CDC123: variants seen among roughly 807,000 people sequenced by gnomAD.
The protein encoded by CDC123 is translation initiation factor eIF2 assembly protein.
CDC123 carries 37 observed loss-of-function variants against 54.4 expected under a neutral mutation model. The ratio of observed to expected loss-of-function variants is 0.68; its 90% CI spans 0.52 to 0.89. The LOEUF is 0.89. Ranked by LOEUF, CDC123 falls within the 40% of genes least tolerant of loss-of-function variation. The pLI is 0.00. For missense variants in CDC123, 361 were observed against 412.1 expected (o/e 0.88, Z 1.07); for synonymous variants, 144 against 136.8 (o/e 1.05, Z -0.37).
chr10:12,248,673 GTGCA>G (rs1266377904), intron 11 of CDC123, among the ~76,000 whole-genome samples: 1 of 152,002 alleles, frequency 6.6e-6, no homozygotes, highest in Non-Finnish European at 1.5e-5. Flanking sequence ...AGGCATGGTG[GTGCA>G]TGCCTGTAAT....
intron 10 of CDC123, chr10:12,245,944 C>G: frequency 2.1e-6 from 1 of 476,874 alleles, no homozygotes; most frequent in Non-Finnish European, 3.7e-6. Flanking sequence ...GTGGTGCATG[C>G]CTGTAGTCCC....
chr10:12,215,090 C>T (rs1387189663), intron 4 of CDC123, among the ~76,000 whole-genome samples: 5 of 152,010 alleles, frequency 3.3e-5, no homozygotes, highest in Non-Finnish European at 5.9e-5. Context: ...TATTCACTTC[C>T]GGGTCGAAAC....
intron 10 of CDC123, among the ~76,000 whole-genome samples, chr10:12,243,302 G>A (rs1836084974): frequency 6.6e-6 from 1 of 151,804 alleles, no homozygotes; most frequent in Non-Finnish European, 1.5e-5. Context: ...GGAGGTGGAG[G>A]CAGGAGAATT....
intron 2 of CDC123, among the ~76,000 whole-genome samples, chr10:12,202,885 C>T (rs1377198875): frequency 6.6e-6 from 1 of 152,170 alleles, no homozygotes; most frequent in Non-Finnish European, 1.5e-5. Context: ...CGTGGTGGCG[C>T]ACTCCTGTAA....
At chr10:12,203,984 T>C (rs555140875) in intron 2 of CDC123, among the ~76,000 whole-genome samples, 2 of 151,258 alleles carry the variant, frequency 1.3e-5, no homozygotes, top group South Asian at 4.2e-4. Context: ...TCCCAGCTGC[T>C]CAGGAGGCTG....
Position 12,220,423 on chromosome 10 carries a change from G to A in CDC123, c.440+2956G>A, listed in dbSNP as rs143376144. On this transcript the variant is annotated intron_variant, in intron 6 of 12. Transcript: ENST00000281141. ...AATCAGCAAGTGAGTTTGAGGTCTTGGATTTAGAGTGTTTACCCACAAAAT... is the reference window on the plus strand; with the variant it reads ...AATCAGCAAGTGAGTTTGAGGTCTTAGATTTAGAGTGTTTACCCACAAAAT... Among the ~76,000 whole-genome samples, 7 of 152,342 alleles carry A rather than the reference G, an allele frequency of 4.6e-5. No homozygotes were observed. In the East Asian group the frequency reaches 1.3e-3, roughly 29 times the overall value.
chr10:12,245,242 G>A (rs1314041098), intron 10 of CDC123: 5 of 117,762 alleles, frequency 4.2e-5, no homozygotes, highest in African/African-American at 1.7e-4. Flanking sequence ...TCCCTTTCCT[G>A]CTGGAATCTT....
At chr10:12,240,508 A>G (rs539466424) in intron 10 of CDC123, among the ~76,000 whole-genome samples, 1 of 152,348 alleles carries the variant, frequency 6.6e-6, no homozygotes, top group African/African-American at 2.4e-5. Flanking sequence ...TTTAACTCTT[A>G]CGTCAAAAGA....
Position 12,237,180 on chromosome 10 carries a change from A to C in CDC123, c.602A>C (p.His201Pro), listed in dbSNP as rs1835989387. The C allele has an allele frequency of 6.3e-7, 1 of 1,581,818 alleles. No homozygotes were observed. The highest frequency in any genetic ancestry group is 2.3e-5 in the East Asian group (1 of 42,914). Reference sequence around the variant, plus strand: ...AGAGACTACACACAATACTATGATCATATTTCTAAACAAAAGGAAGAAATT... The same window carrying C: ...AGAGACTACACACAATACTATGATCCTATTTCTAAACAAAAGGAAGAAATT... Reference protein sequence around the residue: ...SQRDYTQYYDHISKQKEEIRR... With the variant: ...SQRDYTQYYDPISKQKEEIRR... The change falls in exon 9 of 13, where the codon CAT (histidine) becomes CCT (proline). Residue 201 changes from histidine (H) to proline (P), a missense_variant. Coordinates refer to ENST00000281141, the MANE Select transcript of CDC123 (RefSeq NM_006023.3).
At chr10:12,238,541 G>A in intron 10 of CDC123, 56 bp downstream of exon 10, 2 of 1,583,444 alleles carry the variant, frequency 1.3e-6, no homozygotes, top group Non-Finnish European at 1.7e-6. Flanking sequence ...TTATAAGCAG[G>A]CAGAGCATGC....
At chr10:12,218,538 C>T (rs1346154327) in intron 6 of CDC123, among the ~76,000 whole-genome samples, 1 of 152,180 alleles carries the variant, frequency 6.6e-6, no homozygotes. Context: ...CACGCCAAGC[C>T]TGTGGTTTAT....
intron 6 of CDC123, among the ~76,000 whole-genome samples, chr10:12,224,683 T>C (rs951517854): frequency 2.0e-5 from 3 of 152,242 alleles, no homozygotes; most frequent in Non-Finnish European, 4.4e-5. Flanking sequence ...CCACGTTCTT[T>C]TGGTACTTTG....
At chr10:12,202,727 G>A (rs1261196388) in intron 2 of CDC123, among the ~76,000 whole-genome samples, 1 of 152,178 alleles carries the variant, frequency 6.6e-6, no homozygotes, top group Non-Finnish European at 1.5e-5. Context: ...CATAAAGGAT[G>A]TTACAGCCCT....
chr10:12,212,987 T>A (rs1835622495), intron 4 of CDC123, among the ~76,000 whole-genome samples: 1 of 152,120 alleles, frequency 6.6e-6, no homozygotes, highest in African/African-American at 2.4e-5. Flanking sequence ...CATACATAAG[T>A]GATTAAATAA....
rs187762730 is a variant in CDC123 at position 12,216,334 on chromosome 10, A to G, written c.333+499A>G. ...GTTAGTTGTTTTAATCCAATAGAAAACAGTTTTGTATTAGCAAAGCTTATT... is the reference window on the plus strand; with the variant it reads ...GTTAGTTGTTTTAATCCAATAGAAAGCAGTTTTGTATTAGCAAAGCTTATT... On this transcript the variant is annotated intron_variant, in intron 5 of 12. Coordinates refer to ENST00000281141, the MANE Select transcript of CDC123 (RefSeq NM_006023.3). 2.2e-4 allele frequency among the ~76,000 whole-genome samples: 34 copies of G among 152,306 alleles called. 1 individual carries two copies. In the South Asian group the frequency reaches 6.4e-3, roughly 29 times the overall value.
intron 1 of CDC123, among the ~76,000 whole-genome samples, 192 bp from the exon 2 acceptor site, chr10:12,198,513 G>A (rs1048252512): frequency 2.4e-4 from 37 of 152,164 alleles, no homozygotes; most frequent in African/African-American, 8.7e-4. Flanking sequence ...AAAGACCATT[G>A]TGGCAATAAG....
intron 7 of CDC123, among the ~76,000 whole-genome samples, chr10:12,232,030 A>G (rs1184458849): frequency 1.3e-5 from 2 of 151,918 alleles, no homozygotes; most frequent in Non-Finnish European, 2.9e-5. Flanking sequence ...TATTTTTAGT[A>G]GAGACTGGGT....
In CDC123 at chr10:12,249,695, A is replaced by C. The variant is rs1013800906; in HGVS notation, c.961A>C (p.Lys321Gln). The part of the protein sequence containing the change: ...VDLSTGEDAH[K>Q]LIDFLKLKRN... The stretch of plus-strand genomic sequence containing the variant: ...CCTCTCTACTGGGGAGGACGCTCAC[A>C]AGCTAATAGACTTCCTTAAGCTGGT... Residue 321 changes from lysine to glutamine, a missense_variant, in exon 12 of 13, where the codon AAG becomes CAG. By Grantham distance (53) the Lys-to-Gln change is moderately conservative. Coordinates refer to ENST00000281141, the MANE Select transcript of CDC123 (RefSeq NM_006023.3). 3 of 1,612,720 alleles carry C rather than the reference A, an allele frequency of 1.9e-6. No individual in the cohort carries two copies. The East Asian group carries it at 6.7e-5, about 36-fold the overall frequency.
intron 7 of CDC123, among the ~76,000 whole-genome samples, chr10:12,234,740 CAT>C (rs1437521962): frequency 6.6e-6 from 1 of 150,560 alleles, no homozygotes; most frequent in Admixed American, 6.6e-5. Flanking sequence ...CCCTACATCT[CAT>C]GTGAAGAATT....
Sources: gnomAD v4.1 joint callset for allele counts (sites outside exome capture counted in the v4.1 genomes callset) on GRCh38, gnomAD v4.1.1 for gene constraint, MANE v1.5 for transcripts, NCBI Gene and HGNC (gene_info 2026-07-23, HGNC 2026-07-21) for gene names.